The following IQCM variants were observed in gnomAD, a reference collection of about 807,000 sequenced individuals.
IQCM encodes IQ domain-containing protein M.
Under a neutral mutation model 57.6 loss-of-function variants are expected in IQCM, and 45 were observed. That is an observed-to-expected ratio of 0.78 (90% CI 0.62 to 1.00). The LOEUF (loss-of-function observed/expected upper bound fraction) is 1.00, where lower values mean the gene tolerates loss of function less well. Ranked by LOEUF, IQCM falls within the 50% of genes least tolerant of loss-of-function variation. The probability of loss-of-function intolerance (pLI) is 0.00; values close to 1 mark genes in which losing one functional copy is unlikely to be tolerated. For missense variants in IQCM, 468 were observed against 511.6 expected (o/e 0.91, Z 0.82); for synonymous variants, 148 against 158.9 (o/e 0.93, Z 0.51).
chr4:149,540,220 C>T (rs1047009222), intron 12 of IQCM, among the ~76,000 whole-genome samples: 9 of 150,884 alleles, frequency 6.0e-5, no homozygotes, highest in Admixed American at 4.6e-4. Context: ...AATCAGCCAA[C>T]ACCTTGATCT....
chr4:149,577,008 T>C (rs1424623763), intron 9 of IQCM, among the ~76,000 whole-genome samples: 1 of 151,986 alleles, frequency 6.6e-6, no homozygotes, highest in Non-Finnish European at 1.5e-5. Flanking sequence ...GCATTTTTTA[T>C]ATGCTCATTG....
intron 13 of IQCM, among the ~76,000 whole-genome samples, chr4:149,380,410 T>C (rs1730996731): frequency 6.6e-6 from 1 of 152,162 alleles, no homozygotes. Context: ...TACAAAGTTA[T>C]GGCAATATGT....
At chr4:149,393,134 C>T (rs1478213722) in intron 13 of IQCM, among the ~76,000 whole-genome samples, 1 of 151,968 alleles carries the variant, frequency 6.6e-6, no homozygotes, top group Admixed American at 6.6e-5. Flanking sequence ...AATTGTTTCA[C>T]TGCACTCCAG....
At chr4:149,419,250 A>G (rs929852966) in intron 13 of IQCM, among the ~76,000 whole-genome samples, 3 of 151,994 alleles carry the variant, frequency 2.0e-5, no homozygotes, top group African/African-American at 7.2e-5. Context: ...TATACCACAA[A>G]ACCACAATAA....
intron 3 of IQCM, among the ~76,000 whole-genome samples, chr4:149,740,568 A>G (rs1355490951): frequency 2.6e-5 from 4 of 152,148 alleles, no homozygotes; most frequent in Non-Finnish European, 5.9e-5. Context: ...TGAAAATAAT[A>G]TTGAAAACAG....
chr4:149,736,754 C>T (rs559750810), intron 3 of IQCM, among the ~76,000 whole-genome samples: 5 of 152,258 alleles, frequency 3.3e-5, no homozygotes, highest in African/African-American at 1.2e-4. Flanking sequence ...TGTAAAATAG[C>T]ATAATCAGTT....
intron 2 of IQCM, among the ~76,000 whole-genome samples, chr4:149,774,117 A>G (rs915538858): frequency 1.3e-5 from 2 of 152,154 alleles, no homozygotes; most frequent in East Asian, 1.9e-4. Context: ...TCTAGGCTTC[A>G]TTATTTTAGA....
chr4:149,614,233 A>G (rs1755577990), intron 8 of IQCM, among the ~76,000 whole-genome samples: 1 of 152,010 alleles, frequency 6.6e-6, no homozygotes. Context: ...ACTGAATTCT[A>G]TTTGCTCGTA....
intron 2 of IQCM, among the ~76,000 whole-genome samples, chr4:149,811,284 AT>A (rs560475136): frequency 1.9e-3 from 285 of 152,230 alleles, no homozygotes; most frequent in Admixed American, 3.7e-3. Flanking sequence ...TTTCCAAATT[AT>A]TTAACTGAGT....
chr4:149,475,569 G>C (rs1000549042), intron 12 of IQCM, among the ~76,000 whole-genome samples: 1 of 152,010 alleles, frequency 6.6e-6, no homozygotes, highest in African/African-American at 2.4e-5. Flanking sequence ...GATCACCATG[G>C]GGGCAGTAGA....
At chr4:149,502,885 G>C (rs1743408528) in intron 12 of IQCM, among the ~76,000 whole-genome samples, 1 of 151,902 alleles carries the variant, frequency 6.6e-6, no homozygotes, top group South Asian at 2.1e-4. Flanking sequence ...GTATCCAATT[G>C]CCAGCTATGT....
intron 2 of IQCM, among the ~76,000 whole-genome samples, chr4:149,785,845 C>T (rs1325846758): frequency 6.6e-6 from 1 of 151,550 alleles, no homozygotes; most frequent in African/African-American, 2.4e-5. Flanking sequence ...TCTTAGCCCT[C>T]AAGCTGCACA....
At chr4:149,361,044 T>C (rs1038638050) in intron 13 of IQCM, among the ~76,000 whole-genome samples, 1 of 152,114 alleles carries the variant, frequency 6.6e-6, no homozygotes, top group Non-Finnish European at 1.5e-5. Flanking sequence ...CAGATGGAGA[T>C]GAGGAAGCTG....
chr4:149,424,490 G>A, intron 13 of IQCM, among the ~76,000 whole-genome samples: 1 of 151,680 alleles, frequency 6.6e-6, no homozygotes, highest in Admixed American at 6.6e-5. Context: ...GCATCAAAAT[G>A]TGTGGAATAT....
At chr4:149,538,817 A>C (rs548681999) in intron 12 of IQCM, among the ~76,000 whole-genome samples, 43 of 152,142 alleles carry the variant, frequency 2.8e-4, no homozygotes, top group African/African-American at 1.0e-3. Flanking sequence ...CTGATGAATT[A>C]GACTTCATAA....
intron 2 of IQCM, among the ~76,000 whole-genome samples, chr4:149,753,376 G>A (rs561962001): frequency 1.3e-5 from 2 of 152,166 alleles, no homozygotes; most frequent in South Asian, 2.1e-4. Context: ...AAACAAAATA[G>A]AGATATGAAA....
intron 13 of IQCM, among the ~76,000 whole-genome samples, chr4:149,415,221 A>G (rs1476438248): frequency 6.6e-6 from 1 of 152,190 alleles, no homozygotes; most frequent in Non-Finnish European, 1.5e-5. Flanking sequence ...TAGAAAAATT[A>G]CATTGCAATC....
chr4:149,645,458 A>C (rs1758551761), intron 7 of IQCM, among the ~76,000 whole-genome samples: 1 of 152,194 alleles, frequency 6.6e-6, no homozygotes, highest in African/African-American at 2.4e-5. Context: ...ATTCAACTTA[A>C]TGAATTTTCA....
chr4:149,374,309 T>C (rs1730563623), intron 13 of IQCM, among the ~76,000 whole-genome samples: 2 of 152,172 alleles, frequency 1.3e-5, no homozygotes, highest in African/African-American at 4.8e-5. Context: ...AGTGTCTATT[T>C]CCTGCCCTGG....
Sources: gnomAD v4.1 joint callset for allele counts (sites outside exome capture counted in the v4.1 genomes callset) on GRCh38, gnomAD v4.1.1 for gene constraint, MANE v1.5 for transcripts, NCBI Gene and HGNC (gene_info 2026-07-23, HGNC 2026-07-21) for gene names.